The following RNF135 variants were observed in gnomAD, a reference collection of about 807,000 sequenced individuals.
RNF135 encodes ring finger protein 135, also known as E3 ubiquitin-protein ligase RNF135.
Under a neutral mutation model 41.9 loss-of-function variants are expected in RNF135, and 46 were observed. That is an observed-to-expected ratio of 1.10 (90% CI 0.87 to 1.40). RNF135 has a LOEUF of 1.40. RNF135 is among the 40% of genes most tolerant of loss of function. RNF135 has a pLI of 0.00. For missense variants in RNF135, 539 were observed against 549.8 expected, an observed-to-expected ratio of 0.98 and a Z score of 0.20; for synonymous variants, 238 against 223.8, an observed-to-expected ratio of 1.06 and a Z score of -0.57.
At chr17:30,982,725 C>G (rs1017305050) in intron 1 of RNF135, among the ~76,000 whole-genome samples, 7 of 152,132 alleles carry the variant, frequency 4.6e-5, no homozygotes, top group African/African-American at 7.2e-5. Context: ...CTTTCCCCCA[C>G]TTCTCTCTGG....
chr17:30,965,946 T>C, the RNF135 span, among the ~76,000 whole-genome samples: 1 of 152,192 alleles, frequency 6.6e-6, no homozygotes, highest in Non-Finnish European at 1.5e-5. Context: ...GATTCTACAA[T>C]AGTGATGTTA....
chr17:30,964,324 T>A, the RNF135 span, among the ~76,000 whole-genome samples: 1 of 135,828 alleles, frequency 7.4e-6, no homozygotes, highest in Non-Finnish European at 1.5e-5. Context: ...GGGAGGCAAA[T>A]GTTGCAGTGA....
upstream of RNF135, chr17:30,970,865 G>A (rs1169779467): frequency 1.1e-5 from 8 of 695,716 alleles, no homozygotes; most frequent in Admixed American, 3.0e-5. Flanking sequence ...CGCCACTGAA[G>A]GTCAGCTCTG....
At chr17:30,979,542 C>T (rs1275232095) in intron 1 of RNF135, among the ~76,000 whole-genome samples, 3 of 99,636 alleles carry the variant, frequency 3.0e-5, no homozygotes, top group Admixed American at 2.6e-4. Flanking sequence ...ACCCCCCCCC[C>T]CCGCCTCCCT....
At chr17:30,997,086 C>A (rs1170453595) in intron 3 of RNF135, among the ~76,000 whole-genome samples, 156 bp from the exon 4 acceptor site, 1 of 152,156 alleles carries the variant, frequency 6.6e-6, no homozygotes, top group African/African-American at 2.4e-5. Flanking sequence ...ACCTGGGCTG[C>A]AGGCACACTG....
At chr17:30,991,625 G>C (rs1907997941) in intron 3 of RNF135, among the ~76,000 whole-genome samples, 1 of 151,896 alleles carries the variant, frequency 6.6e-6, no homozygotes, top group Non-Finnish European at 1.5e-5. Flanking sequence ...TGTTGGTCAG[G>C]CTGGTCTCAG....
chr17:30,999,276 A>C lies in RNF135; in HGVS notation c.*85A>C. 2 of 1,447,104 alleles carry C rather than the reference A, an allele frequency of 1.4e-6. No individual in the cohort carries two copies. The highest frequency in any genetic ancestry group is 1.9e-6 in the Non-Finnish European group (2 of 1,048,128). The allele number at this position is 1,447,104 out of a possible 1,614,324, so 89.6% of individuals were successfully genotyped here. A position where few individuals can be genotyped will look rare whatever the true frequency, so the allele number is the denominator to read the frequency against. On this transcript the variant is annotated 3_prime_UTR_variant, in exon 5 of 5. Transcript: ENST00000328381. ...GGTAGTAACTTGACTTAAGAATACC[A>C]CTTTTTAGAAAAATTACGATAGAGA...
At chr17:30,983,349 A>ATT (rs1907339481) in intron 1 of RNF135, among the ~76,000 whole-genome samples, 4 of 38,700 alleles carry the variant, frequency 1.0e-4, no homozygotes, top group Non-Finnish European at 1.5e-4. Flanking sequence ...ATATATATAT[A>ATT]TATATTTTTT....
At chr17:30,968,250 T>C (rs1161441234), upstream of RNF135, among the ~76,000 whole-genome samples, 1 of 145,950 alleles carries the variant, frequency 6.9e-6, no homozygotes, top group Non-Finnish European at 1.5e-5. Context: ...ATTGTGCCAC[T>C]CCACTCCACT....
chr17:30,988,714 C>T (rs1448978754), intron 3 of RNF135, among the ~76,000 whole-genome samples: 2 of 150,608 alleles, frequency 1.3e-5, no homozygotes, highest in Admixed American at 1.3e-4. Context: ...GCGTGAGCCA[C>T]CGTGCCTGGC....
At chr17:30,963,577 A>G in the RNF135 span, among the ~76,000 whole-genome samples, 1 of 108,552 alleles carries the variant, frequency 9.2e-6, no homozygotes, top group African/African-American at 2.2e-4. Context: ...CTGTCTCAAG[A>G]AAAAAAAAAT....
intron 1 of RNF135, among the ~76,000 whole-genome samples, chr17:30,980,735 G>T (rs1318174300): frequency 2.1e-5 from 3 of 141,918 alleles, no homozygotes; most frequent in Non-Finnish European, 4.7e-5. Context: ...GGGCGGTGGG[G>T]CAGAGGTGCT....
intron 3 of RNF135, among the ~76,000 whole-genome samples, chr17:30,996,786 G>A (rs1023926658): frequency 3.3e-5 from 5 of 152,208 alleles, no homozygotes; most frequent in Non-Finnish European, 5.9e-5. Flanking sequence ...GGAGGTGTCA[G>A]CAATGGTGAT....
chr17:30,986,709 C>G (rs748396501), intron 2 of RNF135, among the ~76,000 whole-genome samples: 1 of 152,214 alleles, frequency 6.6e-6, no homozygotes, highest in Non-Finnish European at 1.5e-5. Context: ...GTCATTTCAT[C>G]TATCTGCGTC....
At chr17:30,960,744 A>T in the RNF135 span, among the ~76,000 whole-genome samples, 385 of 134,674 alleles carry the variant, frequency 2.9e-3, 3 homozygotes, top group South Asian at 0.014. Flanking sequence ...ATTTTATTTT[A>T]TTTTTTTTTT....
the RNF135 span, chr17:30,959,973 G>C: frequency 6.7e-6 from 1 of 150,040 alleles, no homozygotes; most frequent in Non-Finnish European, 1.5e-5. Context: ...GGGTGACAGA[G>C]TGAGACTCCG....
In RNF135 at chr17:30,985,153, C is replaced by T. The variant is rs919763858; in HGVS notation, c.516+393C>T. On this transcript the variant is annotated intron_variant, in intron 2 of 4. Transcript: ENST00000328381. ...TTTCCCCCACCTCTCTCTGGCTGAT[C>T]CTTCTCAGTCTGTTTACAGGCTCTC... 3.3e-5 allele frequency among the ~76,000 whole-genome samples: 5 copies of T among 152,160 alleles called. No individual in the cohort carries two copies. In the East Asian group the frequency reaches 5.8e-4, roughly 18 times the overall value.
Position 30,983,353 on chromosome 17 carries a change from A to ATTTTTTTTTTTTT in RNF135, c.373-1258_373-1246dup, listed in dbSNP as rs1192298651. Among the ~76,000 whole-genome samples the ATTTTTTTTTTTTT allele has an allele frequency of 3.6e-4, 13 of 35,742 alleles. 2 individuals are homozygous for ATTTTTTTTTTTTT. Among genetic ancestry groups the ATTTTTTTTTTTTT allele is most frequent in the African/African-American group, 1.2e-3 (13 of 10,964 alleles). 23.4% of individuals were successfully genotyped at this position (35,742 alleles called of 152,430 possible). A position where few individuals can be genotyped will look rare whatever the true frequency, so the allele number is the denominator to read the frequency against. On this transcript the variant is annotated intron_variant, in intron 1 of 4. Transcript: ENST00000328381. ...TATATATATATATATATATATATAT[A>ATTTTTTTTTTTTT]TTTTTTTTTTTTTTTTTTGAGATGG... is the stretch of plus-strand genomic sequence containing the variant.
the RNF135 span, among the ~76,000 whole-genome samples, chr17:30,963,093 CTTT>C: frequency 3.0e-5 from 3 of 99,372 alleles, no homozygotes; most frequent in African/African-American, 1.1e-4. Context: ...GATTCCCTAG[CTTT>C]TTTTTTTTTT....
Sources: gnomAD v4.1 joint callset for allele counts (sites outside exome capture counted in the v4.1 genomes callset) on GRCh38, gnomAD v4.1.1 for gene constraint, MANE v1.5 for transcripts, NCBI Gene and HGNC (gene_info 2026-07-23, HGNC 2026-07-21) for gene names.